CREB5: variants seen among roughly 807,000 people sequenced by gnomAD.
CREB5 encodes the protein cAMP responsive element binding protein 5.
In CREB5, 19 loss-of-function variants were observed where a neutral mutation model predicts 57.1. The observed-to-expected ratio is 0.33, with a 90% CI of 0.23 to 0.49. The LOEUF (loss-of-function observed/expected upper bound fraction) is 0.49. Among genes scored for constraint, CREB5 ranks in the 20% least tolerant of loss-of-function variants. CREB5 has a pLI of 0.99. For missense variants in CREB5, 579 were observed against 671.6 expected, an observed-to-expected ratio of 0.86 and a Z score of 1.52; for synonymous variants, 238 against 238.3, an observed-to-expected ratio of 1.00 and a Z score of 0.01.
chr7:28,454,916 T>C (rs1054675153), intron 1 of CREB5, among the ~76,000 whole-genome samples: 25 of 152,138 alleles, frequency 1.6e-4, no homozygotes, highest in African/African-American at 5.8e-4. Flanking sequence ...GCTGAAGTTG[T>C]GATTTTACAG....
intron 8 of CREB5, among the ~76,000 whole-genome samples, chr7:28,808,499 C>T (rs893180542): frequency 1.6e-4 from 25 of 152,130 alleles, no homozygotes; most frequent in Non-Finnish European, 1.5e-5. Flanking sequence ...TCTGTTTTCA[C>T]CCTGTAGCCA....
intron 1 of CREB5, among the ~76,000 whole-genome samples, chr7:28,364,687 C>T (rs1001748209): frequency 4.6e-5 from 7 of 152,192 alleles, no homozygotes; most frequent in Non-Finnish European, 1.0e-4. Flanking sequence ...TCTTGACCCT[C>T]TTGCTCCATC....
At chr7:28,498,285 A>G (rs1272192864) in intron 3 of CREB5, among the ~76,000 whole-genome samples, 3 of 152,310 alleles carry the variant, frequency 2.0e-5, no homozygotes, top group Admixed American at 1.3e-4. Flanking sequence ...CTCCTAGACT[A>G]CTTTTTCAAG....
At chr7:28,756,507 G>A (rs1004803118) in intron 7 of CREB5, among the ~76,000 whole-genome samples, 1 of 150,674 alleles carries the variant, frequency 6.6e-6, no homozygotes, top group African/African-American at 2.4e-5. Context: ...AGTGAGCTGA[G>A]ATCACACCAC....
chr7:28,648,979 T>C (rs1228683621), intron 5 of CREB5, among the ~76,000 whole-genome samples: 2 of 152,208 alleles, frequency 1.3e-5, no homozygotes, highest in African/African-American at 4.8e-5. Flanking sequence ...AATAGAGCTT[T>C]TCTGGATGAC....
chr7:28,510,318 T>C (rs1792654798), intron 4 of CREB5, among the ~76,000 whole-genome samples: 1 of 152,236 alleles, frequency 6.6e-6, no homozygotes. Context: ...ATTCTGACAA[T>C]TATTTCTTTT....
chr7:28,819,197 C>T lies in CREB5; in HGVS notation c.1445C>T (p.Ser482Phe), dbSNP rs748456667. 1.9e-6 allele frequency: 3 copies of T among 1,613,916 alleles called. No individual in the cohort carries two copies. The highest frequency in any genetic ancestry group is 2.5e-6 in the Non-Finnish European group (3 of 1,179,902). ...ATCCAGCATAATACCATCACTACTT[C>T]CTCATCGGTCAGCGAGGTGGTAGGA... Reference protein sequence around the residue: ...QVIQHNTITTSSSVSEVVGSS... With the variant: ...QVIQHNTITTFSSVSEVVGSS... Residue 482 changes from serine (S) to phenylalanine (F), a missense_variant, in exon 11 of 11, where the codon TCC (serine) becomes TTC (phenylalanine). By Grantham distance (155) the Ser-to-Phe change is radical. This residue lies in a region of CREB5 where 114 missense variants were observed against 130.8 expected (regional missense o/e 0.87). Transcript: ENST00000357727.
intron 4 of CREB5, among the ~76,000 whole-genome samples, chr7:28,544,087 G>A (rs766987738): frequency 6.6e-5 from 10 of 151,758 alleles, no homozygotes; most frequent in Admixed American, 3.9e-4. Context: ...TTTTTTAATG[G>A]TTATTGTCTT....
In CREB5 at chr7:28,718,809, C is replaced by G. The variant is rs747849801; in HGVS notation, c.521C>G (p.Pro174Arg). 4 of 1,614,112 alleles carry G rather than the reference C, an allele frequency of 2.5e-6. No individual in the cohort carries two copies. The South Asian group carries it at 4.4e-5, about 18-fold the overall frequency. Residue 174 changes from proline (P) to arginine (R), a missense_variant, in exon 6 of 11, where the codon CCC becomes CGC. Pro to Arg is a moderately radical substitution (Grantham distance 103). Around this residue, in one of 3 missense-constraint regions of CREB5, gnomAD observed 459 missense variants for 515.7 expected, o/e 0.89. Transcript: ENST00000357727. ...CATCTCCACAACAGACAGAGACAGC[C>G]CATGCCAGCCTCCATGCCTGGGACC... ...LLHLHNRQRQ[P>R]MPASMPGTLP... is the part of the protein sequence containing the mutation.
chr7:28,395,621 T>C (rs1787319402), intron 1 of CREB5, among the ~76,000 whole-genome samples: 1 of 152,182 alleles, frequency 6.6e-6, no homozygotes, highest in South Asian at 2.1e-4. Flanking sequence ...TTACATTGTG[T>C]ACTACATGCA....
chr7:28,359,678 G>C (rs942800482), intron 1 of CREB5, among the ~76,000 whole-genome samples: 1 of 152,066 alleles, frequency 6.6e-6, no homozygotes, highest in African/African-American at 2.4e-5. Flanking sequence ...CGTTTGCATT[G>C]GACCTCAAAA....
At chr7:28,681,665 A>T (rs1800600663) in intron 5 of CREB5, among the ~76,000 whole-genome samples, 1 of 152,236 alleles carries the variant, frequency 6.6e-6, no homozygotes, top group Non-Finnish European at 1.5e-5. Context: ...GATCCTCTCC[A>T]TAGCTGGCTT....
At chr7:28,721,389 T>C (rs1318451239) in intron 6 of CREB5, among the ~76,000 whole-genome samples, 1 of 152,186 alleles carries the variant, frequency 6.6e-6, no homozygotes, top group Non-Finnish European at 1.5e-5. Context: ...AAAAAGCATA[T>C]CGTAAGAGTT....
intron 7 of CREB5, among the ~76,000 whole-genome samples, chr7:28,760,299 G>A (rs531654613): frequency 4.6e-5 from 7 of 152,146 alleles, no homozygotes; most frequent in Non-Finnish European, 7.3e-5. Context: ...ACTCAATTGG[G>A]TATCTACATG....
intron 7 of CREB5, among the ~76,000 whole-genome samples, chr7:28,786,802 A>G (rs1052967808): frequency 6.6e-6 from 1 of 152,182 alleles, no homozygotes; most frequent in Non-Finnish European, 1.5e-5. Flanking sequence ...TTTCCTGTGA[A>G]CAAGTGGAGT....
intron 1 of CREB5, among the ~76,000 whole-genome samples, chr7:28,443,493 G>C (rs185741507): frequency 1.3e-5 from 2 of 152,300 alleles, no homozygotes; most frequent in Admixed American, 6.5e-5. Flanking sequence ...AAGGCCATCT[G>C]TACCTCTGCT....
intron 7 of CREB5, among the ~76,000 whole-genome samples, chr7:28,726,209 C>G (rs1562598631): frequency 1.3e-5 from 2 of 152,164 alleles, no homozygotes; most frequent in Non-Finnish European, 2.9e-5. Context: ...TCCACAGCAT[C>G]TGAGCTAATG....
chr7:28,388,422 T>A (rs1787153214), intron 1 of CREB5, among the ~76,000 whole-genome samples: 1 of 152,192 alleles, frequency 6.6e-6, no homozygotes, highest in African/African-American at 2.4e-5. Context: ...GCCATTAAAA[T>A]CCAAACCTCT....
chr7:28,719,423 G>A (rs188733096), intron 6 of CREB5, among the ~76,000 whole-genome samples: 9 of 152,264 alleles, frequency 5.9e-5, no homozygotes, highest in Admixed American at 2.6e-4. Flanking sequence ...CTACAAAATG[G>A]GTGTATTACT....
Sources: allele counts gnomAD v4.1 joint callset (sites outside exome capture counted in the v4.1 genomes callset), GRCh38; gene constraint gnomAD v4.1.1; regional missense constraint gnomAD v4.1.1; transcripts MANE v1.5; gene names NCBI Gene and HGNC (gene_info 2026-07-23, HGNC 2026-07-21).